The following TK2 variants were observed in gnomAD, a reference collection of about 807,000 sequenced individuals.
TK2 encodes the protein thymidine kinase 2, mitochondrial.
TK2 carries 35 observed loss-of-function variants against 41.9 expected under a neutral mutation model. The ratio of observed to expected loss-of-function variants is 0.84; its 90% confidence interval spans 0.64 to 1.11. The LOEUF (loss-of-function observed/expected upper bound fraction) is 1.11. Ranked by LOEUF, TK2 falls within the 50% of genes least tolerant of loss-of-function variation. The pLI is 0.00. For synonymous variants in TK2, 128 were observed against 129.1 expected, an observed-to-expected ratio of 0.99 and a Z score of 0.06; for missense variants, 320 against 351.1, an observed-to-expected ratio of 0.91 and a Z score of 0.71.
chr16:66,538,983 T>G (rs1965370442), intron 3 of TK2, among the ~76,000 whole-genome samples: 1 of 152,148 alleles, frequency 6.6e-6, no homozygotes, highest in African/African-American at 2.4e-5. Flanking sequence ...AAAACTGTGG[T>G]AAAAATGGTA....
At chr16:66,543,320 C>T (rs920301118) in intron 2 of TK2, among the ~76,000 whole-genome samples, 1 of 152,226 alleles carries the variant, frequency 6.6e-6, no homozygotes, top group Non-Finnish European at 1.5e-5. Context: ...CATGAGGTGG[C>T]ACCAGGTAGC....
chr16:66,525,291 A>T (rs958660405), intron 6 of TK2, among the ~76,000 whole-genome samples: 8 of 152,234 alleles, frequency 5.3e-5, no homozygotes, highest in Admixed American at 3.3e-4. Flanking sequence ...GGGAACTCCA[A>T]GCCACATGCA....
At chr16:66,550,223 AG>A, upstream of TK2, 2 of 1,609,732 alleles carry the variant, frequency 1.2e-6, no homozygotes, top group Non-Finnish European at 1.7e-6. Flanking sequence ...TCGAAGGGAG[AG>A]GTTCGCCGCT....
chr16:66,513,060 G>A (rs538781045), intron 9 of TK2, among the ~76,000 whole-genome samples: 10 of 152,130 alleles, frequency 6.6e-5, no homozygotes, highest in Non-Finnish European at 1.2e-4. Flanking sequence ...CCCAGACTCC[G>A]CATTTCTTGG....
rs1457691376 is a variant in TK2, at chr16:66,508,130, G to A, written c.*3838C>T. ...ACAGAGCCCAGTCTGGTAAACAACA[G>A]TCTTAAAGAAAAAAAAAGAAAAGAC... On this transcript the variant is annotated 3_prime_UTR_variant, in exon 10 of 10. Coordinates refer to ENST00000544898, the MANE Select transcript of TK2 (RefSeq NM_004614.5). 1 of 152,112 alleles carries A rather than the reference G, an allele frequency of 6.6e-6. No homozygotes were observed. The highest frequency in any genetic ancestry group is 1.5e-5 in the Non-Finnish European group (1 of 68,012). The allele number at this position is 152,112 out of a possible 1,614,324, so 9.4% of individuals were successfully genotyped here.
At chr16:66,520,071 G>C (rs1287148986) in intron 6 of TK2, among the ~76,000 whole-genome samples, 1 of 152,156 alleles carries the variant, frequency 6.6e-6, no homozygotes, top group Non-Finnish European at 1.5e-5. Flanking sequence ...AGAGTGGACG[G>C]AGAACAGCAG....
rs1015429969 is a variant in TK2 at position 66,549,407 on chromosome 16, G to A, written c.125-398C>T. 4 of 1,093,866 alleles carry A rather than the reference G, an allele frequency of 3.7e-6. No homozygotes were observed. The African/African-American group carries it at 6.6e-5, about 18-fold the overall frequency. 67.8% of individuals were successfully genotyped at this position (1,093,866 alleles called of 1,614,324 possible). A position where few individuals can be genotyped will look rare whatever the true frequency, so the allele number is the denominator to read the frequency against. ...ACCCAGGTGTTCCTCTAGGCCCAGGGCGGGCATCGCTGCCCATCCGTCCCA... is the reference window on the plus strand; with the variant it reads ...ACCCAGGTGTTCCTCTAGGCCCAGGACGGGCATCGCTGCCCATCCGTCCCA... On this transcript the variant is annotated intron_variant, in intron 1 of 9. Coordinates refer to ENST00000544898, the MANE Select transcript of TK2 (RefSeq NM_004614.5).
At chr16:66,526,144 A>G (rs193208950) in intron 6 of TK2, among the ~76,000 whole-genome samples, 1 of 152,268 alleles carries the variant, frequency 6.6e-6, no homozygotes, top group East Asian at 1.9e-4. Flanking sequence ...AAATCTACCT[A>G]GCGCTGGGTG....
chr16:66,531,297 T>C, intron 5 of TK2, 83 bp downstream of exon 5: 4 of 1,392,714 alleles, frequency 2.9e-6, no homozygotes, highest in Non-Finnish European at 4.0e-6. Flanking sequence ...GGCTTCCTTG[T>C]AAAGTTTCCC....
chr16:66,545,882 C>T (rs1024964778), intron 2 of TK2, among the ~76,000 whole-genome samples: 1 of 151,882 alleles, frequency 6.6e-6, no homozygotes, highest in African/African-American at 2.4e-5. Flanking sequence ...AGATCCCACG[C>T]TATATGTTCC....
At chr16:66,525,161 A>C (rs1964895247) in intron 6 of TK2, among the ~76,000 whole-genome samples, 1 of 152,176 alleles carries the variant, frequency 6.6e-6, no homozygotes. Flanking sequence ...TCCAGGGAAC[A>C]CATAAGCAGG....
At chr16:66,522,816 A>T (rs921193789) in intron 6 of TK2, among the ~76,000 whole-genome samples, 30 of 152,170 alleles carry the variant, frequency 2.0e-4, no homozygotes, top group African/African-American at 7.2e-4. Flanking sequence ...GTGAGCCGAG[A>T]TTGCACCACT....
At position 66,512,049 on chromosome 16, in the gene TK2, G is replaced by A. The variant is rs1014818207; in HGVS notation, c.717C>T (p.His239=). ...AGAGTTCTAACATCCTCTCCATGTG[G>A]TGGTCAGCCTCAATCACCTGGAAAT... ...AAPVLVIEAD[H]HMERMLELFE... is the part of the protein sequence containing the mutation. Residue 239 remains histidine, a synonymous_variant, in exon 10 of 10, where the codon CAC becomes CAT. Coordinates refer to ENST00000544898, the MANE Select transcript of TK2 (RefSeq NM_004614.5). The A allele has an allele frequency of 6.2e-7, 1 of 1,614,012 alleles. No individual in the cohort carries two copies. Among genetic ancestry groups the A allele is most frequent in the African/African-American group, 1.3e-5 (1 of 74,876 alleles).
chr16:66,515,950 C>T (rs891123277), intron 8 of TK2, among the ~76,000 whole-genome samples: 34 of 152,354 alleles, frequency 2.2e-4, no homozygotes, highest in African/African-American at 7.7e-4. Flanking sequence ...TGACACCCCA[C>T]TGAATGCTTG....
In TK2 at chr16:66,514,309, C is replaced by T. The variant is rs371284405; in HGVS notation, c.619-498G>A. ...TGGTTTTCGTATTTTTTGGTGGAGA[C>T]GGGGTTTCGCTGTGTTGGCCGGGCT... On this transcript the variant is annotated intron_variant, in intron 8 of 9. Transcript: ENST00000544898. This position sits in a 1 kb window ranked among gnomAD's most constrained non-coding sequence, Gnocchi z 4.2. Among the ~76,000 whole-genome samples the T allele has an allele frequency of 5.9e-5, 9 of 152,352 alleles. No individual in the cohort carries two copies. Among genetic ancestry groups the T allele is most frequent in the African/African-American group, 1.4e-4 (6 of 41,592 alleles).
At chr16:66,528,849 G>T in intron 6 of TK2, 145 bp downstream of exon 6, 1 of 779,920 alleles carries the variant, frequency 1.3e-6, no homozygotes, top group Non-Finnish European at 2.2e-6. Flanking sequence ...AGGATTCGTG[G>T]CTGTTTGTTA....
intron 5 of TK2, among the ~76,000 whole-genome samples, chr16:66,530,820 C>A (rs548727253): frequency 6.6e-6 from 1 of 152,036 alleles, no homozygotes; most frequent in South Asian, 2.1e-4. Context: ...TGGGTTCAAG[C>A]CATTCTCCTG....
intron 4 of TK2, among the ~76,000 whole-genome samples, chr16:66,533,457 G>A (rs1965182108): frequency 6.6e-6 from 1 of 151,916 alleles, no homozygotes; most frequent in Non-Finnish European, 1.5e-5. Context: ...GCCCAAGGCA[G>A]GAGGATCACT....
At chr16:66,532,514 A>G (rs1965146504) in intron 4 of TK2, among the ~76,000 whole-genome samples, 1 of 152,128 alleles carries the variant, frequency 6.6e-6, no homozygotes, top group African/African-American at 2.4e-5. Context: ...CTGAGACATG[A>G]GAATCGCTTG....
Sources: allele counts gnomAD v4.1 joint callset (sites outside exome capture counted in the v4.1 genomes callset), GRCh38; gene constraint gnomAD v4.1.1; non-coding constraint Gnocchi (gnomAD v3.1); transcripts MANE v1.5; gene names NCBI Gene and HGNC (gene_info 2026-07-23, HGNC 2026-07-21).